The following ZC3H12B variants were observed in gnomAD, a reference collection of about 807,000 sequenced individuals.
ZC3H12B encodes probable ribonuclease ZC3H12B.
ZC3H12B carries 7 observed loss-of-function variants against 43.9 expected under a neutral mutation model. That is an observed-to-expected ratio of 0.16 (90% CI 0.09 to 0.30). The LOEUF is 0.30. Ranked by LOEUF, ZC3H12B falls within the 10% of genes least tolerant of loss-of-function variation. The probability of loss-of-function intolerance (pLI) is 1.00; values close to 1 mark genes in which losing one functional copy is unlikely to be tolerated. For missense variants in ZC3H12B, 475 were observed against 670.2 expected (o/e 0.71, Z 3.22); for synonymous variants, 222 against 241.7 (o/e 0.92, Z 0.76).
chrX:65,237,344 C>A, the ZC3H12B span, among the ~76,000 whole-genome samples: 194 of 110,935 alleles, frequency 1.7e-3, 1 homozygote, highest in Non-Finnish European at 7.4e-4. Flanking sequence ...AATGGGAGTT[C>A]ATTTGTGGTT....
the ZC3H12B span, among the ~76,000 whole-genome samples, chrX:65,104,679 A>C: frequency 8.9e-6 from 1 of 112,338 alleles, no homozygotes; most frequent in Non-Finnish European, 1.9e-5. Flanking sequence ...TGGTCATTAG[A>C]GAAATGAAAA....
the ZC3H12B span, among the ~76,000 whole-genome samples, chrX:65,285,393 A>G: frequency 9.0e-6 from 1 of 110,654 alleles, no homozygotes; most frequent in African/African-American, 3.3e-5. Flanking sequence ...CAAGTGCACA[A>G]AAGTCTTCCC....
the ZC3H12B span, among the ~76,000 whole-genome samples, chrX:65,251,840 G>A: frequency 3.4e-4 from 38 of 111,413 alleles, no homozygotes; most frequent in South Asian, 0.011. Flanking sequence ...TTTGGGCTGA[G>A]ATGATGGGGT....
intron 2 of ZC3H12B, among the ~76,000 whole-genome samples, chrX:65,374,679 C>T (rs2066320063): frequency 9.0e-6 from 1 of 110,637 alleles, no homozygotes; most frequent in African/African-American, 3.3e-5. Flanking sequence ...AAAGAACTGC[C>T]CGATACTGGG....
At chrX:65,415,428 G>A (rs1026527063) in intron 3 of ZC3H12B, among the ~76,000 whole-genome samples, 2 of 112,513 alleles carry the variant, frequency 1.8e-5, no homozygotes, top group African/African-American at 6.4e-5. Context: ...ATATATTTTG[G>A]GGTAAAACAC....
At chrX:65,253,796 G>A in the ZC3H12B span, among the ~76,000 whole-genome samples, 1 of 112,024 alleles carries the variant, frequency 8.9e-6, no homozygotes, top group Non-Finnish European at 1.9e-5. Context: ...CCACACAGAT[G>A]TGCACCAGCA....
At chrX:65,476,333 T>G (rs2148205170) in intron 3 of ZC3H12B, among the ~76,000 whole-genome samples, 1 of 112,276 alleles carries the variant, frequency 8.9e-6, no homozygotes, top group South Asian at 3.7e-4. Flanking sequence ...CTGGATAATT[T>G]CAATTATTTT....
the ZC3H12B span, among the ~76,000 whole-genome samples, chrX:65,257,237 A>G: frequency 8.9e-6 from 1 of 112,265 alleles, no homozygotes; most frequent in African/African-American, 3.2e-5. Flanking sequence ...GATTAAGAAA[A>G]TGTGGCACAT....
At chrX:65,379,750 C>T (rs538378558) in intron 2 of ZC3H12B, among the ~76,000 whole-genome samples, 5 of 111,604 alleles carry the variant, frequency 4.5e-5, no homozygotes, top group South Asian at 7.5e-4. Context: ...ACCAATACAG[C>T]GAAGTGCTTA....
At chrX:65,388,374 G>A (rs1385826728) in intron 2 of ZC3H12B, among the ~76,000 whole-genome samples, 1 of 111,054 alleles carries the variant, frequency 9.0e-6, no homozygotes, top group African/African-American at 3.3e-5. Context: ...TTCTCTTCTT[G>A]CTTCATTTCA....
chrX:65,128,815 ATATTTTCT>A, the ZC3H12B span, among the ~76,000 whole-genome samples: 1 of 111,863 alleles, frequency 8.9e-6, no homozygotes, highest in African/African-American at 3.2e-5. Context: ...TTTGTCTCTC[ATATTTTCT>A]TTACTCTGAT....
chrX:65,190,504 G>A, the ZC3H12B span, among the ~76,000 whole-genome samples: 449 of 108,797 alleles, frequency 4.1e-3, 3 homozygotes, highest in African/African-American at 0.014. Context: ...TCCTTGAAGA[G>A]GTCCTTCACA....
At chrX:65,493,340 G>A (rs1185839103) in intron 1 of ZC3H12B, among the ~76,000 whole-genome samples, 3 of 110,304 alleles carry the variant, frequency 2.7e-5, no homozygotes, top group Non-Finnish European at 3.8e-5. Context: ...CCGAGATTGC[G>A]CCACTACACT....
chrX:65,305,611 C>A, the ZC3H12B span, among the ~76,000 whole-genome samples: 1 of 111,720 alleles, frequency 9.0e-6, no homozygotes, highest in Admixed American at 9.5e-5. Flanking sequence ...TTCAGTAATT[C>A]ATTGCACCTA....
At chrX:65,361,203 C>T in the ZC3H12B span, among the ~76,000 whole-genome samples, 11,203 of 111,799 alleles carry the variant, frequency 0.1, 631 homozygotes, top group Non-Finnish European at 0.16. Flanking sequence ...ATAACTGATA[C>T]ATTTTGACAT....
At chrX:65,121,377 G>A in the ZC3H12B span, among the ~76,000 whole-genome samples, 2 of 111,400 alleles carry the variant, frequency 1.8e-5, no homozygotes, top group African/African-American at 3.3e-5. Flanking sequence ...GTTTAGTCTT[G>A]GGAGGGTGCA....
chrX:65,159,748 C>T, the ZC3H12B span, among the ~76,000 whole-genome samples: 1 of 111,637 alleles, frequency 9.0e-6, no homozygotes, highest in Admixed American at 9.6e-5. Flanking sequence ...ATTGAATAAC[C>T]TTTATTTCCT....
At chrX:65,206,039 A>G in the ZC3H12B span, among the ~76,000 whole-genome samples, 1 of 112,262 alleles carries the variant, frequency 8.9e-6, no homozygotes. Flanking sequence ...TGGAAACACC[A>G]TGCTCATGGA....
intron 2 of ZC3H12B, among the ~76,000 whole-genome samples, chrX:65,394,379 T>C (rs1467136743): frequency 8.9e-6 from 1 of 112,718 alleles, no homozygotes; most frequent in Middle Eastern, 4.6e-3. Context: ...AATTTTTGTA[T>C]TAGGTGTAAG....
Sources: gnomAD v4.1 joint callset for allele counts (sites outside exome capture counted in the v4.1 genomes callset) on GRCh38, gnomAD v4.1.1 for gene constraint, MANE v1.5 for transcripts, NCBI Gene and HGNC (gene_info 2026-07-23, HGNC 2026-07-21) for gene names.